TPP2: variants seen among roughly 807,000 people sequenced by gnomAD.
The protein encoded by TPP2 is tripeptidyl peptidase 2.
TPP2 carries 34 observed loss-of-function variants against 155.9 expected under a neutral mutation model. The observed-to-expected ratio is 0.22, with a 90% confidence interval of 0.17 to 0.29. The LOEUF (loss-of-function observed/expected upper bound fraction) is 0.29. TPP2 is among the 10% of genes least tolerant of loss of function. TPP2 has a pLI of 1.00. For missense variants in TPP2, 1,028 were observed against 1,522.3 expected (o/e 0.68, Z 5.40); for synonymous variants, 510 against 529.4 (o/e 0.96, Z 0.50).
intron 5 of TPP2, 57 bp downstream of exon 5, chr13:102,618,903 A>G (rs908980820): frequency 1.1e-5 from 17 of 1,554,768 alleles, no homozygotes; most frequent in Non-Finnish European, 1.4e-5. Context: ...TTCTACTCTG[A>G]AAAACATTAA....
At position 102,624,852 on chromosome 13, in the gene TPP2, C is replaced by CTTT. The variant is rs1029486604; in HGVS notation, c.784+1834_784+1836dup. 1.8e-3 allele frequency among the ~76,000 whole-genome samples: 151 copies of CTTT among 83,436 alleles called. 1 individual carries two copies. The highest frequency in any genetic ancestry group is 2.3e-3 in the Non-Finnish European group (108 of 47,022). 54.7% of individuals were successfully genotyped at this position (83,436 alleles called of 152,430 possible). On this transcript the variant is annotated intron_variant, in intron 6 of 29. Coordinates refer to ENST00000376052, the MANE Select transcript of TPP2 (RefSeq NM_001330588.2). ...AACATGTACTTAATTTTTTTTTTTC[C>CTTT]TTTTTTTTTTTTTTTTTTTTTTTTG... is the stretch of plus-strand genomic sequence containing the variant.
intron 24 of TPP2, among the ~76,000 whole-genome samples, chr13:102,652,255 T>C (rs528411767): frequency 1.3e-4 from 19 of 151,950 alleles, no homozygotes; most frequent in East Asian, 1.9e-4. Context: ...CACACACTTA[T>C]AGTCCCAGCT....
At chr13:102,640,404 G>A (rs199922676) in intron 16 of TPP2, 28 bp downstream of exon 16, 5 of 1,541,936 alleles carry the variant, frequency 3.2e-6, no homozygotes, top group African/African-American at 2.7e-5. Flanking sequence ...CTGTGTGACC[G>A]CTTATCTCTG....
chr13:102,629,400 A>G (rs1204136310), intron 8 of TPP2, 82 bp from the exon 9 acceptor site: 5 of 1,367,160 alleles, frequency 3.7e-6, no homozygotes, highest in South Asian at 4.3e-5. Flanking sequence ...ATGTAGCCAT[A>G]TATTTAAACA....
intron 6 of TPP2, among the ~76,000 whole-genome samples, chr13:102,623,308 G>A (rs897105829): frequency 6.6e-6 from 1 of 152,144 alleles, no homozygotes; most frequent in African/African-American, 2.4e-5. Context: ...TCATGCCTGT[G>A]ATCCTAGCAC....
chr13:102,619,414 A>G (rs547180020), intron 5 of TPP2, among the ~76,000 whole-genome samples: 2 of 151,272 alleles, frequency 1.3e-5, no homozygotes, highest in African/African-American at 4.9e-5. Flanking sequence ...ATATTTAGCC[A>G]TATGTGTGCT....
At chr13:102,646,224 G>T (rs759200019) in intron 19 of TPP2, 70 bp from the exon 20 acceptor site, 235 of 1,278,956 alleles carry the variant, frequency 1.8e-4, no homozygotes, top group Non-Finnish European at 2.5e-4. Flanking sequence ...AGATTTTGTT[G>T]CATATGGTTT....
chr13:102,634,616 C>G (rs1882250170), intron 11 of TPP2, among the ~76,000 whole-genome samples: 1 of 152,158 alleles, frequency 6.6e-6, no homozygotes, highest in Non-Finnish European at 1.5e-5. Context: ...TAAGTTGTCT[C>G]TCCTCTGCCT....
At chr13:102,666,920 C>A (rs537393381) in intron 27 of TPP2, among the ~76,000 whole-genome samples, 4 of 151,882 alleles carry the variant, frequency 2.6e-5, no homozygotes, top group African/African-American at 9.7e-5. Context: ...AAGTTTTTAG[C>A]GACACTGGGT....
intron 25 of TPP2, 54 bp from the exon 26 acceptor site, chr13:102,663,592 CAA>C (rs1377499322): frequency 8.0e-7 from 1 of 1,243,602 alleles, no homozygotes; most frequent in Non-Finnish European, 1.1e-6. Flanking sequence ...ATAGAGAAGA[CAA>C]ATAGTCTTTT....
At position 102,627,839 on chromosome 13, in the gene TPP2, C is replaced by G. The variant is rs1168868819; in HGVS notation, c.940-9C>G. 6.2e-7 allele frequency: 1 copy of G among 1,608,962 alleles called. No individual in the cohort carries two copies. The highest frequency in any genetic ancestry group is 2.2e-5 in the East Asian group (1 of 44,826). Reference sequence around the variant, plus strand: ...GCTGCCTAAACTAGAGTCTTAATCTCTTTAATAGATGATAGAAGTTATAAA... The same window carrying G: ...GCTGCCTAAACTAGAGTCTTAATCTGTTTAATAGATGATAGAAGTTATAAA... On this transcript the variant is annotated splice_polypyrimidine_tract_variant and intron_variant, in intron 7 of 29. Coordinates refer to ENST00000376052, the MANE Select transcript of TPP2 (RefSeq NM_001330588.2).
Position 102,649,020 on chromosome 13 carries a change from G to A in TPP2, c.2742G>A (p.Leu914=), listed in dbSNP as rs757324981. 5.6e-6 allele frequency: 9 copies of A among 1,613,842 alleles called. No individual in the cohort carries two copies. Among genetic ancestry groups the A allele is most frequent in the East Asian group, 2.2e-5 (1 of 44,852 alleles). ...TTCCATTTATTGTTTCTCATAGATTGTCTAATACCTTGAGCTTAGATATTC... is the reference window on the plus strand; with the variant it reads ...TTCCATTTATTGTTTCTCATAGATTATCTAATACCTTGAGCTTAGATATTC... The part of the protein sequence containing the change: ...KDLPFIVSHR[L]SNTLSLDIHE... The change falls in exon 22 of 30, where the codon TTG becomes TTA. Residue 914 remains leucine, a synonymous_variant. Transcript: ENST00000376052.
At chr13:102,636,535 A>G (rs1882395016) in intron 13 of TPP2, 143 bp downstream of exon 13, 6 of 1,108,828 alleles carry the variant, frequency 5.4e-6, no homozygotes, top group Non-Finnish European at 7.3e-6. Flanking sequence ...TCTTAGTCAT[A>G]AGAGAAAATA....
chr13:102,651,532 C>A, intron 24 of TPP2, 135 bp downstream of exon 24: 2 of 857,850 alleles, frequency 2.3e-6, no homozygotes, highest in Non-Finnish European at 3.5e-6. Flanking sequence ...AAGTATAGTG[C>A]TCTTAGCTGT....
At chr13:102,618,616 G>C in intron 4 of TPP2, 106 bp from the exon 5 acceptor site, 1 of 1,411,028 alleles carries the variant, frequency 7.1e-7, no homozygotes, top group Non-Finnish European at 9.4e-7. Flanking sequence ...TTTTTTCAGG[G>C]TAAAATAATT....
At chr13:102,611,014 T>G (rs777997294) in intron 2 of TPP2, among the ~76,000 whole-genome samples, 39 of 152,222 alleles carry the variant, frequency 2.6e-4, no homozygotes, top group Admixed American at 9.2e-4. Context: ...ATATATTGTT[T>G]AGTTTTGAAC....
chr13:102,653,977 TTAACA>T (rs1225151930), intron 24 of TPP2, among the ~76,000 whole-genome samples: 1 of 152,184 alleles, frequency 6.6e-6, no homozygotes, highest in African/African-American at 2.4e-5. Context: ...TTTTCTAAAC[TTAACA>T]TTAAATATAT....
chr13:102,631,275 TC>T (rs1452645244), intron 10 of TPP2: 1 of 152,270 alleles, frequency 6.6e-6, no homozygotes, highest in Admixed American at 6.5e-5. Context: ...CCTCATTTTC[TC>T]TAGGTGGTTT....
At chr13:102,646,451 C>A in intron 20 of TPP2, 61 bp downstream of exon 20, 3 of 1,336,908 alleles carry the variant, frequency 2.2e-6, no homozygotes, top group African/African-American at 1.5e-5. Context: ...ATTTATGATT[C>A]ATAGAATCAA....
Sources: allele counts gnomAD v4.1 joint callset (sites outside exome capture counted in the v4.1 genomes callset), GRCh38; gene constraint gnomAD v4.1.1; transcripts MANE v1.5; gene names NCBI Gene and HGNC (gene_info 2026-07-23, HGNC 2026-07-21).